Variants in ZNF2 observed in about 807,000 individuals in gnomAD.
ZNF2 encodes the protein zinc finger protein 2.
A neutral mutation model predicts 21.9 loss-of-function variants in ZNF2; 12 were observed. That is an observed-to-expected ratio of 0.55 (90% confidence interval 0.35 to 0.89). ZNF2 has a LOEUF of 0.89. Among genes scored for constraint, ZNF2 ranks in the 40% least tolerant of loss-of-function variants. The pLI is 0.01. For missense variants in ZNF2, 462 were observed against 544.2 expected (o/e 0.85, Z 1.50); for synonymous variants, 186 against 196.3 (o/e 0.95, Z 0.44).
chr2:95,177,467 G>A lies in ZNF2; in HGVS notation c.34-16G>A, dbSNP rs1010275607. On this transcript the variant is annotated splice_polypyrimidine_tract_variant and intron_variant, in intron 2 of 4. Coordinates refer to ENST00000614034, the MANE Select transcript of ZNF2 (RefSeq NM_021088.4). ...AGAAGGATTAAGAGTAAGGGAGAAT[G>A]TGATTGTATTTTCAGGAATCAGTGA... 3 of 1,612,918 alleles carry A rather than the reference G, an allele frequency of 1.9e-6. No individual in the cohort carries two copies. Among genetic ancestry groups the A allele is most frequent in the Non-Finnish European group, 8.5e-7 (1 of 1,179,340 alleles).
chr2:95,169,095 G>A (rs148692913), intron 1 of ZNF2, among the ~76,000 whole-genome samples: 121 of 152,322 alleles, frequency 7.9e-4, no homozygotes, highest in Non-Finnish European at 1.4e-3. Flanking sequence ...CTGTGAGTTT[G>A]GTGGATTTGA....
chr2:95,172,985 A>C (rs1674333850), intron 1 of ZNF2, among the ~76,000 whole-genome samples: 1 of 150,464 alleles, frequency 6.6e-6, no homozygotes, highest in Non-Finnish European at 1.5e-5. Flanking sequence ...TTTTTGTAAG[A>C]AACAAAGCAT....
chr2:95,177,721 G>A (rs1373855670), intron 3 of ZNF2, 112 bp downstream of exon 3: 5 of 1,350,000 alleles, frequency 3.7e-6, no homozygotes, highest in Non-Finnish European at 3.0e-6. Flanking sequence ...CCACCTGAGA[G>A]ATAAAGTAAG....
chr2:95,166,743 A>G (rs146743498), intron 1 of ZNF2, among the ~76,000 whole-genome samples: 1 of 152,310 alleles, frequency 6.6e-6, no homozygotes, highest in East Asian at 1.9e-4. Flanking sequence ...AGAGTGAGGT[A>G]AGAGTTTGAA....
Position 95,182,164 on chromosome 2 carries a change from C to T in ZNF2, c.*58C>T. ...CCATACAAATTTGAGATAGATCTCG[C>T]CTGTCTTAAAGCTGCCATTTGCTCA... On this transcript the variant is annotated 3_prime_UTR_variant, in exon 5 of 5. Transcript: ENST00000614034. The T allele has an allele frequency of 6.5e-7, 1 of 1,539,302 alleles. No individual in the cohort carries two copies. The highest frequency in any genetic ancestry group is 1.3e-5 in the South Asian group (1 of 77,904).
At chr2:95,178,993 G>GTTTT (rs368069255) in intron 3 of ZNF2, among the ~76,000 whole-genome samples, 1 of 130,462 alleles carries the variant, frequency 7.7e-6, no homozygotes, top group Non-Finnish European at 1.7e-5. Flanking sequence ...GGTTTTTTTT[G>GTTTT]TTTTTTTTTT....
At chr2:95,176,781 T>C (rs1246039375) in intron 2 of ZNF2, among the ~76,000 whole-genome samples, 1 of 152,214 alleles carries the variant, frequency 6.6e-6, no homozygotes, top group Non-Finnish European at 1.5e-5. Context: ...CTAGAACTTT[T>C]GCAGACACAC....
At chr2:95,176,804 T>C (rs752832084) in intron 2 of ZNF2, among the ~76,000 whole-genome samples, 23 of 152,194 alleles carry the variant, frequency 1.5e-4, no homozygotes, top group Non-Finnish European at 3.2e-4. Flanking sequence ...GAGACTCATC[T>C]GAGGTTTTAG....
rs952535114 is a variant in ZNF2, at chr2:95,182,162, C to A, written c.*56C>A. Reference sequence around the variant, plus strand: ...TTCCATACAAATTTGAGATAGATCTCGCCTGTCTTAAAGCTGCCATTTGCT... The same window carrying A: ...TTCCATACAAATTTGAGATAGATCTAGCCTGTCTTAAAGCTGCCATTTGCT... On this transcript the variant is annotated 3_prime_UTR_variant, in exon 5 of 5. Coordinates refer to ENST00000614034, the MANE Select transcript of ZNF2 (RefSeq NM_021088.4). The A allele has an allele frequency of 5.8e-5, 90 of 1,539,988 alleles. 1 individual carries two copies. In the African/African-American group the frequency reaches 1.2e-3, roughly 21 times the overall value.
intron 3 of ZNF2, among the ~76,000 whole-genome samples, chr2:95,179,189 A>T (rs1310432468): frequency 3.3e-5 from 5 of 152,008 alleles, no homozygotes; most frequent in Admixed American, 6.6e-5. Flanking sequence ...ACAGGGTTTC[A>T]CCATGTTGGC....
intron 2 of ZNF2, 116 bp downstream of exon 2, chr2:95,176,375 C>T (rs1674445875): frequency 9.8e-6 from 12 of 1,218,336 alleles, no homozygotes; most frequent in African/African-American, 1.5e-5. Context: ...TGAAGGACTC[C>T]ACAGGGAGTA....
chr2:95,181,085 G>A lies in ZNF2; in HGVS notation c.275-18G>A, dbSNP rs1265055186. 2.5e-6 allele frequency: 4 copies of A among 1,603,950 alleles called. No homozygotes were observed. Among genetic ancestry groups the A allele is most frequent in the African/African-American group, 2.7e-5 (2 of 74,196 alleles). ...CTAGCCCAGGAAAAAAACTGCATCTGTTTTCTGTTTGTTCCAGACTGGGAA... is the reference window on the plus strand; with the variant it reads ...CTAGCCCAGGAAAAAAACTGCATCTATTTTCTGTTTGTTCCAGACTGGGAA... On this transcript the variant is annotated intron_variant, in intron 4 of 4. Transcript: ENST00000614034.
intron 3 of ZNF2, among the ~76,000 whole-genome samples, chr2:95,178,510 G>A (rs553460719): frequency 4.6e-5 from 7 of 152,306 alleles, no homozygotes; most frequent in African/African-American, 1.7e-4. Context: ...GTCAGGGACA[G>A]AGAGCCACAG....
intron 4 of ZNF2, among the ~76,000 whole-genome samples, chr2:95,180,779 G>C (rs1674611757): frequency 6.6e-6 from 1 of 152,162 alleles, no homozygotes; most frequent in Admixed American, 6.5e-5. Context: ...CAAAGTGCTA[G>C]GATTACAGGT....
chr2:95,181,566 C>T lies in ZNF2; in HGVS notation c.738C>T (p.Val246=), dbSNP rs1674655892. ...TCTTTGACCGTTCGTCCCTAACTGT[C>T]CATCAGCGAATTCACACTGGAGAGA... ...KAFFDRSSLT[V]HQRIHTGEKP... The change falls in exon 5 of 5, where the codon GTC becomes GTT. Residue 246 remains valine, a synonymous_variant. Transcript: ENST00000614034. 1 of 1,614,024 alleles carries T rather than the reference C, an allele frequency of 6.2e-7. No individual in the cohort carries two copies. The highest frequency in any genetic ancestry group is 1.3e-5 in the African/African-American group (1 of 74,890).
intron 3 of ZNF2, among the ~76,000 whole-genome samples, chr2:95,178,791 C>T (rs780772769): frequency 1.3e-5 from 2 of 151,950 alleles, no homozygotes; most frequent in African/African-American, 4.8e-5. Flanking sequence ...AATAGCAAAA[C>T]GTTAAAAATG....
chr2:95,182,363 A>C lies in ZNF2; in HGVS notation c.*257A>C, dbSNP rs1674706350. The C allele has an allele frequency of 2.6e-6, 1 of 387,066 alleles. No homozygotes were observed. Among genetic ancestry groups the C allele is most frequent in the Non-Finnish European group, 4.6e-6 (1 of 217,686 alleles). 24.0% of individuals were successfully genotyped at this position (387,066 alleles called of 1,614,324 possible). ...TAGGATAGATGTTAGGAGGAGACAC[A>C]CCTCTTGTCTGAGAACCTAGGCCCC... On this transcript the variant is annotated 3_prime_UTR_variant, in exon 5 of 5. Transcript: ENST00000614034.
In ZNF2 at chr2:95,170,967, A is replaced by G. The variant is rs1189157596; in HGVS notation, c.-40+5107A>G. On this transcript the variant is annotated intron_variant, in intron 1 of 4. Transcript: ENST00000614034. The stretch of plus-strand genomic sequence containing the variant: ...AAGTATCTATCCTGAGGGTACATCT[A>G]TAGTCATACAATTAATAGAAAAAAG... 2.0e-5 allele frequency among the ~76,000 whole-genome samples: 3 copies of G among 152,216 alleles called. No individual in the cohort carries two copies. The East Asian group carries it at 5.8e-4, about 29-fold the overall frequency.
chr2:95,171,870 A>G (rs1177065740), intron 1 of ZNF2, among the ~76,000 whole-genome samples: 2 of 152,176 alleles, frequency 1.3e-5, no homozygotes, highest in Admixed American at 1.3e-4. Flanking sequence ...TGGGGTCCCC[A>G]GGATCACCCC....
Sources: gnomAD v4.1 joint callset for allele counts (sites outside exome capture counted in the v4.1 genomes callset) on GRCh38, gnomAD v4.1.1 for gene constraint, MANE v1.5 for transcripts, NCBI Gene and HGNC (gene_info 2026-07-23, HGNC 2026-07-21) for gene names.